LMBR1: variants seen among roughly 807,000 people sequenced by gnomAD.
The protein encoded by LMBR1 is limb development membrane protein 1.
LMBR1 carries 52 observed loss-of-function variants against 73.9 expected under a neutral mutation model. The ratio of observed to expected loss-of-function variants is 0.70; its 90% confidence interval spans 0.56 to 0.89. The LOEUF is 0.89. Ranked by LOEUF, LMBR1 falls within the 40% of genes least tolerant of loss-of-function variation. LMBR1 has a pLI of 0.00. For missense variants in LMBR1, 539 were observed against 579.8 expected (o/e 0.93, Z 0.72); for synonymous variants, 215 against 209.4 (o/e 1.03, Z -0.23).
chr7:156,722,360 A>G (rs930528831), intron 15 of LMBR1, among the ~76,000 whole-genome samples: 2 of 152,192 alleles, frequency 1.3e-5, no homozygotes, highest in African/African-American at 4.8e-5. Context: ...GATAATATTC[A>G]TGACAATTCC....
downstream of LMBR1, chr7:156,676,657 T>A: frequency 1.2e-6 from 2 of 1,610,430 alleles, no homozygotes; most frequent in Non-Finnish European, 1.7e-6. Context: ...GAATGTTGAA[T>A]TCATAGTCAA....
At chr7:156,874,728 C>T (rs1413409821) in intron 1 of LMBR1, among the ~76,000 whole-genome samples, 2 of 152,186 alleles carry the variant, frequency 1.3e-5, no homozygotes, top group African/African-American at 4.8e-5. Flanking sequence ...CAGGAAGCCA[C>T]ATCCTTAGAA....
chr7:156,674,837 T>C (rs1016336192), downstream of LMBR1, among the ~76,000 whole-genome samples: 1 of 152,254 alleles, frequency 6.6e-6, no homozygotes, highest in Non-Finnish European at 1.5e-5. Context: ...ATTACATACG[T>C]AGCTCACAGT....
At position 156,893,102 on chromosome 7, in the gene LMBR1, G is replaced by A. The variant is rs1314303552; in HGVS notation, c.-109C>T. 4 of 1,146,444 alleles carry A rather than the reference G, an allele frequency of 3.5e-6. No homozygotes were observed. The African/African-American group carries it at 4.9e-5, about 14-fold the overall frequency. 71.0% of individuals were successfully genotyped at this position (1,146,444 alleles called of 1,614,324 possible). On this transcript the variant is annotated 5_prime_UTR_variant, in exon 1 of 17. Transcript: ENST00000353442. ...CGCGCCGGGGACCGGAGCCGGCACG[G>A]GCCCGCGAGCCGTGTTGGAACAGGT...
intron 5 of LMBR1, among the ~76,000 whole-genome samples, chr7:156,791,644 C>T (rs1281823646): frequency 6.6e-6 from 1 of 152,216 alleles, no homozygotes; most frequent in African/African-American, 2.4e-5. Context: ...CTCTTCGCTT[C>T]CACCTGGTCA....
At chr7:156,821,487 T>C (rs1384197666) in intron 4 of LMBR1, among the ~76,000 whole-genome samples, 1 of 152,218 alleles carries the variant, frequency 6.6e-6, no homozygotes, top group Non-Finnish European at 1.5e-5. Context: ...GTACATCTGG[T>C]GGTTTGCTTT....
downstream of LMBR1, among the ~76,000 whole-genome samples, chr7:156,675,432 C>T (rs1803655372): frequency 1.3e-5 from 2 of 152,122 alleles, no homozygotes. Flanking sequence ...AATGTTTTTT[C>T]CTTAAAATAT....
At chr7:156,725,964 A>G (rs180717598) in intron 12 of LMBR1, 127 bp from the exon 13 acceptor site, 74 of 671,692 alleles carry the variant, frequency 1.1e-4, no homozygotes, top group African/African-American at 9.7e-4. Context: ...TAACATCTAG[A>G]CTTTCAAAGG....
intron 5 of LMBR1, among the ~76,000 whole-genome samples, chr7:156,764,301 A>C (rs113627546): frequency 6.6e-6 from 1 of 152,174 alleles, no homozygotes; most frequent in Non-Finnish European, 1.5e-5. Flanking sequence ...CCAGCATTAT[A>C]AACTATAGAG....
rs1244235511 is a variant in LMBR1 at position 156,764,374 on chromosome 7, C to T, written c.424-579G>A. ...ACATTATATAGAATTTTCATTAATC[C>T]ATGAGACAAGAATATAATAATATAA... On this transcript the variant is annotated intron_variant, in intron 5 of 16. Transcript: ENST00000353442. 2.6e-5 allele frequency among the ~76,000 whole-genome samples: 4 copies of T among 152,154 alleles called. No homozygotes were observed. In the East Asian group the frequency reaches 7.7e-4, roughly 29 times the overall value.
chr7:156,862,260 C>T (rs1302534383), intron 1 of LMBR1, among the ~76,000 whole-genome samples: 1 of 152,156 alleles, frequency 6.6e-6, no homozygotes, highest in Non-Finnish European at 1.5e-5. Flanking sequence ...TGCAGGGGAA[C>T]TCTTCTTTAT....
At chr7:156,884,053 C>T (rs1563623069) in intron 1 of LMBR1, among the ~76,000 whole-genome samples, 1 of 152,170 alleles carries the variant, frequency 6.6e-6, no homozygotes, top group Non-Finnish European at 1.5e-5. Context: ...ACCTCTATAC[C>T]TCTATCCCAT....
chr7:156,836,978 G>T, intron 1 of LMBR1, 93 bp from the exon 2 acceptor site: 1 of 793,354 alleles, frequency 1.3e-6, no homozygotes, highest in Non-Finnish European at 2.0e-6. Flanking sequence ...AGGAAAAAAG[G>T]ATTTAAACTA....
chr7:156,695,865 T>TG (rs1808174109), intron 15 of LMBR1, among the ~76,000 whole-genome samples: 1 of 125,190 alleles, frequency 8.0e-6, no homozygotes, highest in African/African-American at 3.5e-5. Flanking sequence ...AAGACACTGA[T>TG]GGAAAAAAAA....
At chr7:156,845,181 T>G (rs1356015719) in intron 1 of LMBR1, among the ~76,000 whole-genome samples, 1 of 152,152 alleles carries the variant, frequency 6.6e-6, no homozygotes, top group Non-Finnish European at 1.5e-5. Context: ...CAAGAATATA[T>G]ACATCTAATA....
downstream of LMBR1, among the ~76,000 whole-genome samples, chr7:156,674,608 C>T (rs1018153211): frequency 6.6e-6 from 1 of 152,020 alleles, no homozygotes; most frequent in Non-Finnish European, 1.5e-5. Context: ...CCCGGGAGGC[C>T]GAGGCTGAGT....
chr7:156,777,499 C>G (rs1826361778), intron 5 of LMBR1, among the ~76,000 whole-genome samples: 1 of 152,180 alleles, frequency 6.6e-6, no homozygotes, highest in South Asian at 2.1e-4. Context: ...ATCAGTGCTT[C>G]TCAAATGTCA....
rs1805027958 is a variant in LMBR1, at chr7:156,681,532, ATAATT to A, written c.*2541_*2545del. Reference sequence around the variant, plus strand: ...TAATCTGAAAACTTATAATTGTAAAATAATTTATTTAAGTATTGCAGAACCAATTA... The same window carrying A: ...TAATCTGAAAACTTATAATTGTAAAATATTTAAGTATTGCAGAACCAATTA... On this transcript the variant is annotated 3_prime_UTR_variant, in exon 17 of 17. Transcript: ENST00000353442. The A allele has an allele frequency of 6.5e-6, 1 of 154,422 alleles. No homozygotes were observed. The highest frequency in any genetic ancestry group is 1.4e-5 in the Non-Finnish European group (1 of 69,588). The allele number at this position is 154,422 out of a possible 1,614,324, so 9.6% of individuals were successfully genotyped here.
chr7:156,741,803 T>C (rs946616594), intron 9 of LMBR1, among the ~76,000 whole-genome samples: 7 of 152,142 alleles, frequency 4.6e-5, no homozygotes, highest in African/African-American at 1.7e-4. Flanking sequence ...ATGGACCTAA[T>C]AGATATTTAC....
Sources: gnomAD v4.1 joint callset for allele counts (sites outside exome capture counted in the v4.1 genomes callset) on GRCh38, gnomAD v4.1.1 for gene constraint, MANE v1.5 for transcripts, NCBI Gene and HGNC (gene_info 2026-07-23, HGNC 2026-07-21) for gene names.